Variants in TTC29 observed in about 807,000 individuals in gnomAD.
The protein encoded by TTC29 is tetratricopeptide repeat protein 29.
TTC29 carries 49 observed loss-of-function variants against 58.1 expected under a neutral mutation model. The ratio of observed to expected loss-of-function variants is 0.84; its 90% CI spans 0.67 to 1.07. The LOEUF (loss-of-function observed/expected upper bound fraction) is 1.07. Among genes scored for constraint, TTC29 ranks in the 50% least tolerant of loss-of-function variants. The pLI is 0.00. For synonymous variants in TTC29, 209 were observed against 196.8 expected (o/e 1.06, Z -0.52); for missense variants, 582 against 555.6 (o/e 1.05, Z -0.48).
intron 10 of TTC29, among the ~76,000 whole-genome samples, chr4:146,815,791 G>A: frequency 6.6e-6 from 1 of 152,146 alleles, no homozygotes; most frequent in East Asian, 1.9e-4. Flanking sequence ...TTGGAATTGA[G>A]GGGAGAGATC....
At chr4:146,729,035 T>C (rs982563483) in intron 11 of TTC29, among the ~76,000 whole-genome samples, 2 of 151,664 alleles carry the variant, frequency 1.3e-5, no homozygotes, top group African/African-American at 4.8e-5. Flanking sequence ...TTATAAATAG[T>C]TGTTGAATGA....
intron 11 of TTC29, among the ~76,000 whole-genome samples, chr4:146,728,834 T>TATGTAC (rs1400302311): frequency 1.8e-5 from 2 of 108,370 alleles, no homozygotes; most frequent in Non-Finnish European, 3.8e-5. Flanking sequence ...TACATATATA[T>TATGTAC]ACACATATAT....
rs745339880 is a variant in TTC29 at position 146,803,725 on chromosome 4, A to T, written c.1102-40T>A. On this transcript the variant is annotated intron_variant, in intron 10 of 12. Coordinates refer to ENST00000325106, the MANE Select transcript of TTC29 (RefSeq NM_031956.4). Reference sequence around the variant, plus strand: ...GAAATAATTTTCTTTCTTACTTTTAATGTCACCATTTCACATATTTTCTGA... The same window carrying T: ...GAAATAATTTTCTTTCTTACTTTTATTGTCACCATTTCACATATTTTCTGA... 4.1e-6 allele frequency: 6 copies of T among 1,459,358 alleles called. No homozygotes were observed. The African/African-American group carries it at 8.4e-5, about 20-fold the overall frequency. The allele number at this position is 1,459,358 out of a possible 1,614,324, so 90.4% of individuals were successfully genotyped here. A position where few individuals can be genotyped will look rare whatever the true frequency, so the allele number is the denominator to read the frequency against.
At chr4:146,733,462 T>C (rs1251145041) in intron 11 of TTC29, among the ~76,000 whole-genome samples, 1 of 152,104 alleles carries the variant, frequency 6.6e-6, no homozygotes, top group Non-Finnish European at 1.5e-5. Context: ...TAACCTAATA[T>C]CGAACTTGTT....
chr4:146,833,929 T>C (rs765778835), intron 8 of TTC29, 32 bp from the exon 9 acceptor site: 14 of 1,444,936 alleles, frequency 9.7e-6, no homozygotes, highest in East Asian at 4.6e-5. Flanking sequence ...ATTGAACATA[T>C]AGCACAGCCA....
chr4:146,723,414 C>T (rs1026207672), intron 11 of TTC29, among the ~76,000 whole-genome samples: 1 of 152,110 alleles, frequency 6.6e-6, no homozygotes, highest in Admixed American at 6.5e-5. Flanking sequence ...TAAAGAGCTT[C>T]TGTACAGCAA....
intron 10 of TTC29, 118 bp downstream of exon 10, chr4:146,820,007 C>T: frequency 6.7e-6 from 9 of 1,352,260 alleles, no homozygotes; most frequent in Non-Finnish European, 8.3e-6. Flanking sequence ...CAGTCCAGGG[C>T]CATTCTGCAT....
At chr4:146,755,581 G>C (rs1746379079) in intron 11 of TTC29, among the ~76,000 whole-genome samples, 4 of 152,006 alleles carry the variant, frequency 2.6e-5, no homozygotes, top group Admixed American at 2.6e-4. Context: ...ATTGTATATG[G>C]GATTCATGCT....
At chr4:146,772,998 T>C (rs1747843384) in intron 11 of TTC29, among the ~76,000 whole-genome samples, 1 of 152,068 alleles carries the variant, frequency 6.6e-6, no homozygotes, top group Admixed American at 6.6e-5. Flanking sequence ...ATGAGACTGC[T>C]TTATTGATTT....
chr4:146,770,969 G>C (rs955017051), intron 11 of TTC29, among the ~76,000 whole-genome samples: 5 of 151,916 alleles, frequency 3.3e-5, no homozygotes, highest in Non-Finnish European at 7.4e-5. Context: ...AACATGCAAG[G>C]GCTCAATAAA....
At chr4:146,717,082 G>A (rs943599608) in intron 11 of TTC29, among the ~76,000 whole-genome samples, 11 of 152,174 alleles carry the variant, frequency 7.2e-5, no homozygotes, top group East Asian at 3.9e-4. Context: ...TTTGACAATC[G>A]TTGCTTTATG....
intron 8 of TTC29, among the ~76,000 whole-genome samples, chr4:146,854,558 C>T (rs1319121492): frequency 6.6e-6 from 1 of 152,098 alleles, no homozygotes; most frequent in Non-Finnish European, 1.5e-5. Flanking sequence ...CTCCTTCATC[C>T]TCCGTCCTCA....
At chr4:146,815,754 A>C (rs1246776175) in intron 10 of TTC29, among the ~76,000 whole-genome samples, 1 of 152,234 alleles carries the variant, frequency 6.6e-6, no homozygotes, top group Non-Finnish European at 1.5e-5. Flanking sequence ...CTAAGTGAAG[A>C]CATCAAGTAG....
chr4:146,866,659 A>G (rs1730583128), intron 8 of TTC29, among the ~76,000 whole-genome samples: 1 of 152,172 alleles, frequency 6.6e-6, no homozygotes, highest in African/African-American at 2.4e-5. Flanking sequence ...ATTAAGCATA[A>G]GAGTCATCTA....
intron 9 of TTC29, among the ~76,000 whole-genome samples, chr4:146,825,559 T>G (rs893909254): frequency 6.6e-6 from 1 of 152,228 alleles, no homozygotes; most frequent in Admixed American, 6.5e-5. Context: ...CATGTGGCAC[T>G]GAGAAGAATG....
At chr4:146,925,607 C>G (rs1734880146) in intron 4 of TTC29, among the ~76,000 whole-genome samples, 1 of 152,012 alleles carries the variant, frequency 6.6e-6, no homozygotes, top group African/African-American at 2.4e-5. Context: ...TTATCTTGAC[C>G]TTGACATTGA....
intron 11 of TTC29, among the ~76,000 whole-genome samples, chr4:146,788,611 T>C (rs1051676209): frequency 1.3e-5 from 2 of 151,882 alleles, no homozygotes; most frequent in Non-Finnish European, 2.9e-5. Context: ...AAAGACCATT[T>C]AACCTGTAGT....
At chr4:146,745,504 A>C (rs1745475662) in intron 11 of TTC29, among the ~76,000 whole-genome samples, 1 of 152,248 alleles carries the variant, frequency 6.6e-6, no homozygotes, top group African/African-American at 2.4e-5. Flanking sequence ...AGAGGAATAA[A>C]GAATGCAGTT....
intron 10 of TTC29, among the ~76,000 whole-genome samples, chr4:146,815,056 C>T (rs747322111): frequency 1.3e-5 from 2 of 152,048 alleles, no homozygotes; most frequent in Non-Finnish European, 2.9e-5. Context: ...TGTTTATGTT[C>T]TCAGAAGAAT....
Sources: gnomAD v4.1 joint callset for allele counts (sites outside exome capture counted in the v4.1 genomes callset) on GRCh38, gnomAD v4.1.1 for gene constraint, MANE v1.5 for transcripts, NCBI Gene and HGNC (gene_info 2026-07-23, HGNC 2026-07-21) for gene names.